PROZ: variants seen among roughly 807,000 people sequenced by gnomAD.
PROZ encodes the protein protein Z, vitamin K dependent plasma glycoprotein.
In PROZ, 46 loss-of-function variants were observed where a neutral mutation model predicts 34.9. The ratio of observed to expected loss-of-function variants is 1.32; its 90% CI spans 1.04 to 1.69. PROZ has a LOEUF of 1.69. PROZ is among the 40% of genes most tolerant of loss of function. The probability of loss-of-function intolerance (pLI) is 0.00; values close to 1 mark genes in which losing one functional copy is unlikely to be tolerated. For missense variants in PROZ, 530 were observed against 520.4 expected, an observed-to-expected ratio of 1.02 and a Z score of -0.18; for synonymous variants, 195 against 208.5, an observed-to-expected ratio of 0.94 and a Z score of 0.56.
chr13:113,164,611 C>T lies in PROZ; in HGVS notation c.472C>T (p.Leu158Phe). 2 of 1,613,856 alleles carry T rather than the reference C, an allele frequency of 1.2e-6. No individual in the cohort carries two copies. The highest frequency in any genetic ancestry group is 8.5e-7 in the Non-Finnish European group (1 of 1,180,004). ...ATGCAGCTGTGCTCAGGGCTACAGG[C>T]TTGGTGAGGACCACAAACAGTGTGT... The part of the protein sequence containing the change: ...YTCSCAQGYR[L>F]GEDHKQCVPH... Residue 158 changes from leucine (L) to phenylalanine (F), a missense_variant, in exon 5 of 8, where the codon CTT becomes TTT. Leu to Phe is a conservative substitution (Grantham distance 22). Coordinates refer to ENST00000375547, the MANE Select transcript of PROZ (RefSeq NM_003891.3).
chr13:113,160,287 C>A, intron 2 of PROZ, 110 bp downstream of exon 2: 1 of 1,339,194 alleles, frequency 7.5e-7, no homozygotes, highest in Non-Finnish European at 1.1e-6. Context: ...TATTTACTTA[C>A]CGATGAGGTT....
Position 113,160,062 on chromosome 13 carries a change from G to T in PROZ, c.119G>T (p.Arg40Leu). The change falls in exon 2 of 8, where the codon CGT (arginine) becomes CTT (leucine). Residue 40 changes from arginine (R) to leucine (L), a missense_variant. Arg to Leu is a moderately radical substitution (Grantham distance 102). Coordinates refer to ENST00000375547, the MANE Select transcript of PROZ (RefSeq NM_003891.3). ...KANDVLVRWK[R>L]AGSYLLEELF... ...AACGACGTTCTGGTGAGGTGGAAGC[G>T]TGCGGGCTCCTATCTTCTGGAAGAA... is the stretch of plus-strand genomic sequence containing the variant. 3 of 1,614,164 alleles carry T rather than the reference G, an allele frequency of 1.9e-6. No homozygotes were observed. The highest frequency in any genetic ancestry group is 2.5e-6 in the Non-Finnish European group (3 of 1,180,006).
In PROZ at chr13:113,172,028, G is replaced by C; in HGVS notation, c.1126G>C (p.Val376Leu). The change falls in exon 8 of 8, where the codon GTA becomes CTA. Residue 376 changes from valine to leucine, a missense_variant. Coordinates refer to ENST00000375547, the MANE Select transcript of PROZ (RefSeq NM_003891.3). ...FLTGVLGSQP[V>L]GGQAHMVLVT... Reference sequence around the variant, plus strand: ...CACGGGGGTCCTGGGCTCGCAGCCAGTAGGAGGGCAGGCTCACATGGTCCT... The same window carrying C: ...CACGGGGGTCCTGGGCTCGCAGCCACTAGGAGGGCAGGCTCACATGGTCCT... 1 of 1,613,158 alleles carries C rather than the reference G, an allele frequency of 6.2e-7. No individual in the cohort carries two copies. Among genetic ancestry groups the C allele is most frequent in the East Asian group, 2.2e-5 (1 of 44,890 alleles).
chr13:113,172,202 G>C lies in PROZ; in HGVS notation c.*97G>C. On this transcript the variant is annotated 3_prime_UTR_variant, in exon 8 of 8. Coordinates refer to ENST00000375547, the MANE Select transcript of PROZ (RefSeq NM_003891.3). Reference sequence around the variant, plus strand: ...GGGCGCTGAAACTTCATCACACACTGAGAGGCCGTCACAGCCCCAGACCAC... The same window carrying C: ...GGGCGCTGAAACTTCATCACACACTCAGAGGCCGTCACAGCCCCAGACCAC... 6.6e-7 allele frequency: 1 copy of C among 1,511,908 alleles called. No individual in the cohort carries two copies. The highest frequency in any genetic ancestry group is 9.0e-7 in the Non-Finnish European group (1 of 1,115,298). 93.7% of individuals were successfully genotyped at this position (1,511,908 alleles called of 1,614,324 possible).
intron 2 of PROZ, 64 bp downstream of exon 2, chr13:113,160,241 C>A: frequency 6.4e-7 from 1 of 1,561,666 alleles, no homozygotes; most frequent in Middle Eastern, 1.7e-4. Flanking sequence ...GCCCAGGGAG[C>A]ATCATTTCTC....
intron 4 of PROZ, 96 bp from the exon 5 acceptor site, chr13:113,164,416 TA>T: frequency 7.1e-7 from 1 of 1,409,402 alleles, no homozygotes; most frequent in Non-Finnish European, 9.8e-7. Flanking sequence ...AAGGCTGTGA[TA>T]AAATGAACAT....
Position 113,160,937 on chromosome 13 carries a change from T to C in PROZ, c.235-11T>C. ...TCCCATTTGTAACATTTTTATGTTT[T>C]AACTCTAAAGGATGAATTCTGGAGA... is the stretch of plus-strand genomic sequence containing the variant. On this transcript the variant is annotated splice_polypyrimidine_tract_variant and intron_variant, in intron 2 of 7. Coordinates refer to ENST00000375547, the MANE Select transcript of PROZ (RefSeq NM_003891.3). 2 of 1,597,778 alleles carry C rather than the reference T, an allele frequency of 1.3e-6. No individual in the cohort carries two copies. Among genetic ancestry groups the C allele is most frequent in the Non-Finnish European group, 1.7e-6 (2 of 1,165,598 alleles).
chr13:113,168,220 T>C (rs1279676077), intron 6 of PROZ, among the ~76,000 whole-genome samples: 1 of 152,234 alleles, frequency 6.6e-6, no homozygotes, highest in African/African-American at 2.4e-5. Flanking sequence ...GGAATGCGGA[T>C]AAATATTTAA....
rs145576064 is a variant in PROZ, at chr13:113,165,702, T to C, written c.573+582T>C. Among the ~76,000 whole-genome samples the C allele has an allele frequency of 2.2e-3, 329 of 152,316 alleles. 5 individuals are homozygous for C. In the East Asian group the frequency reaches 0.047, roughly 22 times the overall value. ...TGTGCCACCACGCCCGGCTGATTTT[T>C]ATATTTTTAGTAGAGACGGGGTTTC... is the stretch of plus-strand genomic sequence containing the variant. On this transcript the variant is annotated intron_variant, in intron 6 of 7. Transcript: ENST00000375547.
rs1441366006 is a variant in PROZ at position 113,170,599 on chromosome 13, G to T, written c.691+69G>T. The stretch of plus-strand genomic sequence containing the variant: ...ACACTATCCTATGTAAGAATGAAAT[G>T]ACAAATTTAAAACTGGACTGTTTCT... On this transcript the variant is annotated intron_variant, in intron 7 of 7. Transcript: ENST00000375547. 7 of 1,006,402 alleles carry T rather than the reference G, an allele frequency of 7.0e-6. No individual in the cohort carries two copies. The East Asian group carries it at 1.7e-4, about 24-fold the overall frequency. 62.3% of individuals were successfully genotyped at this position (1,006,402 alleles called of 1,614,324 possible). A position where few individuals can be genotyped will look rare whatever the true frequency, so the allele number is the denominator to read the frequency against.
At chr13:113,163,227 G>A in intron 4 of PROZ, 105 bp downstream of exon 4, 1 of 999,106 alleles carries the variant, frequency 1.0e-6, no homozygotes, top group Non-Finnish European at 1.5e-6. Context: ...TAGCCATGAA[G>A]GTGCCTGTGT....
chr13:113,171,865 T>C lies in PROZ; in HGVS notation c.963T>C (p.Leu321=), dbSNP rs748395012. The C allele has an allele frequency of 1.9e-6, 3 of 1,613,532 alleles. No homozygotes were observed. Among genetic ancestry groups the C allele is most frequent in the Non-Finnish European group, 2.5e-6 (3 of 1,179,990 alleles). The change falls in exon 8 of 8, where the codon CTT becomes CTC. Residue 321 remains leucine (L), a synonymous_variant. Coordinates refer to ENST00000375547, the MANE Select transcript of PROZ (RefSeq NM_003891.3). The surrounding 1 kb of genome is among the most constrained non-coding windows in gnomAD (Gnocchi z 5.1). ...CGCTGACCACGCGGCCTGTCACACT[T>C]GTGGAGGGGGAGGAGTGCGGGCAGG... ...GNSLTTRPVT[L]VEGEECGQVL... is the part of the protein sequence containing the mutation.
chr13:113,159,308 C>G lies in PROZ; in HGVS notation c.70+578C>G. ...CATCCCCGCTGGCCCCATGGTCTCC[C>G]GCTGGCCCCATGGTCTCCCACCCTG... is the stretch of plus-strand genomic sequence containing the variant. On this transcript the variant is annotated intron_variant, in intron 1 of 7. Coordinates refer to ENST00000375547, the MANE Select transcript of PROZ (RefSeq NM_003891.3). This position sits in a 1 kb window ranked among gnomAD's most constrained non-coding sequence, Gnocchi z 4.6. 2 of 1,499,308 alleles carry G rather than the reference C, an allele frequency of 1.3e-6. No homozygotes were observed. Among genetic ancestry groups the G allele is most frequent in the Non-Finnish European group, 1.8e-6 (2 of 1,100,454 alleles). 92.9% of individuals were successfully genotyped at this position (1,499,308 alleles called of 1,614,324 possible).
chr13:113,164,957 T>C (rs1050356448), intron 5 of PROZ, 96 bp from the exon 6 acceptor site: 16 of 1,224,310 alleles, frequency 1.3e-5, no homozygotes, highest in Non-Finnish European at 1.8e-5. Context: ...GTTAGTACCA[T>C]AGACGGAATT....
At chr13:113,161,138 A>C (rs2036752889) in intron 3 of PROZ, among the ~76,000 whole-genome samples, 166 bp downstream of exon 3, 1 of 152,184 alleles carries the variant, frequency 6.6e-6, no homozygotes, top group African/African-American at 2.4e-5. Flanking sequence ...CCCAAGGACC[A>C]GGTCAGGAAG....
At chr13:113,165,424 G>A (rs948985176) in intron 6 of PROZ, among the ~76,000 whole-genome samples, 3 of 152,196 alleles carry the variant, frequency 2.0e-5, no homozygotes, top group African/African-American at 7.2e-5. Flanking sequence ...CTGCTGGCCT[G>A]GCATTCTAGC....
In PROZ at chr13:113,171,852, G is replaced by A. The variant is rs375825673; in HGVS notation, c.950G>A (p.Arg317Gln). The change falls in exon 8 of 8, where the codon CGG becomes CAG. Residue 317 changes from arginine to glutamine, a missense_variant. Physicochemically the swap from Arg to Gln is conservative, Grantham distance 43 (BLOSUM62 1). Coordinates refer to ENST00000375547, the MANE Select transcript of PROZ (RefSeq NM_003891.3). This position sits in a 1 kb window ranked among gnomAD's most constrained non-coding sequence, Gnocchi z 5.1. ...GTDLGNSLTT[R>Q]PVTLVEGEEC... ...GACCTGGGCAACTCGCTGACCACGCGGCCTGTCACACTTGTGGAGGGGGAG... is the reference window on the plus strand; with the variant it reads ...GACCTGGGCAACTCGCTGACCACGCAGCCTGTCACACTTGTGGAGGGGGAG... 3.0e-5 allele frequency: 48 copies of A among 1,613,518 alleles called. No homozygotes were observed. The highest frequency in any genetic ancestry group is 3.3e-4 in the Middle Eastern group (2 of 6,084).
chr13:113,164,841 G>T (rs1180276777), intron 5 of PROZ, among the ~76,000 whole-genome samples, 197 bp downstream of exon 5: 1 of 152,240 alleles, frequency 6.6e-6, no homozygotes, highest in Non-Finnish European at 1.5e-5. Context: ...TGCTTGCTCG[G>T]ACCACTCTGA....
intron 6 of PROZ, among the ~76,000 whole-genome samples, chr13:113,169,988 T>C (rs1417655882): frequency 1.3e-5 from 2 of 152,174 alleles, no homozygotes; most frequent in South Asian, 2.1e-4. Context: ...CTCTTCAATT[T>C]AGGGAGTCAG....
Sources: gnomAD v4.1 joint callset for allele counts (sites outside exome capture counted in the v4.1 genomes callset) on GRCh38, gnomAD v4.1.1 for gene constraint, Gnocchi (gnomAD v3.1) non-coding constraint, MANE v1.5 for transcripts, NCBI Gene and HGNC (gene_info 2026-07-23, HGNC 2026-07-21) for gene names.